DEUP1: variants seen among roughly 807,000 people sequenced by gnomAD.
The protein encoded by DEUP1 is coiled-coil domain containing 67.
In DEUP1, 82 loss-of-function variants were observed where a neutral mutation model predicts 87.4. The ratio of observed to expected loss-of-function variants is 0.94; its 90% CI spans 0.78 to 1.13. The LOEUF (loss-of-function observed/expected upper bound fraction) is 1.13. Ranked by LOEUF, DEUP1 falls within the 50% of genes most tolerant of loss-of-function variation. The probability of loss-of-function intolerance (pLI) is 0.00; values close to 1 mark genes in which losing one functional copy is unlikely to be tolerated. For synonymous variants in DEUP1, 214 were observed against 222.7 expected, an observed-to-expected ratio of 0.96 and a Z score of 0.35; for missense variants, 663 against 681.5, an observed-to-expected ratio of 0.97 and a Z score of 0.30.
intron 13 of DEUP1, among the ~76,000 whole-genome samples, chr11:93,420,499 G>A (rs1947841832): frequency 6.7e-6 from 1 of 149,610 alleles, no homozygotes; most frequent in Non-Finnish European, 1.5e-5. Context: ...TTGAAAACTG[G>A]CACAAGACAG....
chr11:93,377,489 T>G (rs951260023), intron 7 of DEUP1, among the ~76,000 whole-genome samples: 7 of 152,150 alleles, frequency 4.6e-5, no homozygotes, highest in Admixed American at 4.6e-4. Flanking sequence ...CCCCTTTACC[T>G]TAAGTTTGTG....
At chr11:93,355,322 C>T (rs1944844111) in intron 2 of DEUP1, 49 bp from the exon 3 acceptor site, 4 of 1,555,216 alleles carry the variant, frequency 2.6e-6, no homozygotes, top group Admixed American at 2.0e-5. Flanking sequence ...TTTTTTTGCC[C>T]TCACATTTCA....
chr11:93,338,164 A>G (rs1424712242), intron 2 of DEUP1, among the ~76,000 whole-genome samples: 1 of 152,186 alleles, frequency 6.6e-6, no homozygotes, highest in Non-Finnish European at 1.5e-5. Flanking sequence ...TAAAAGTTGT[A>G]CCCTCCTTGA....
chr11:93,359,744 T>A (rs1945072534), intron 4 of DEUP1, among the ~76,000 whole-genome samples: 1 of 152,130 alleles, frequency 6.6e-6, no homozygotes, highest in East Asian at 1.9e-4. Context: ...TCCAGCCTAA[T>A]AAAACAGAAA....
At chr11:93,417,634 C>G (rs1223656645) in intron 13 of DEUP1, among the ~76,000 whole-genome samples, 10 of 151,796 alleles carry the variant, frequency 6.6e-5, no homozygotes, top group Non-Finnish European at 1.5e-4. Flanking sequence ...CAGTGCCATC[C>G]CCATCAAGCT....
chr11:93,359,980 T>G (rs1383650785), intron 4 of DEUP1, among the ~76,000 whole-genome samples: 1 of 152,024 alleles, frequency 6.6e-6, no homozygotes, highest in Non-Finnish European at 1.5e-5. Flanking sequence ...CCTGGACTTC[T>G]ACACCTACCT....
intron 12 of DEUP1, 110 bp downstream of exon 12, chr11:93,408,537 A>T: frequency 1.4e-6 from 1 of 701,438 alleles, no homozygotes; most frequent in Non-Finnish European, 2.3e-6. Flanking sequence ...GTGGTTTAAA[A>T]TTTATAATGA....
intron 1 of DEUP1, among the ~76,000 whole-genome samples, chr11:93,331,714 A>G (rs1237787643): frequency 6.6e-6 from 1 of 152,214 alleles, no homozygotes; most frequent in Non-Finnish European, 1.5e-5. Flanking sequence ...TAGTAAATGG[A>G]TGCTCATTTT....
chr11:93,403,910 T>A (rs190422547), intron 11 of DEUP1, among the ~76,000 whole-genome samples: 8 of 152,194 alleles, frequency 5.3e-5, no homozygotes, highest in Middle Eastern at 6.8e-3. Context: ...AAACAAGATA[T>A]TTACATCATT....
chr11:93,390,390 A>G (rs906040663), intron 9 of DEUP1, among the ~76,000 whole-genome samples: 1 of 152,244 alleles, frequency 6.6e-6, no homozygotes, highest in East Asian at 1.9e-4. Flanking sequence ...TGTCTGCCAA[A>G]GAGTTGACTG....
chr11:93,414,413 A>G lies in DEUP1; in HGVS notation c.1524-587A>G, dbSNP rs1015782426. Among the ~76,000 whole-genome samples, 113 of 152,158 alleles carry G rather than the reference A, an allele frequency of 7.4e-4. 1 individual carries two copies. Among genetic ancestry groups the G allele is most frequent in the African/African-American group, 2.6e-3 (108 of 41,554 alleles). ...CTATAATCCCAGCTACTCAGGAGAC[A>G]GGAGAGTCTCTTGAACCTGGGAGGC... On this transcript the variant is annotated intron_variant, in intron 12 of 13. Transcript: ENST00000298050.
Position 93,336,038 on chromosome 11 carries a change from G to A in DEUP1, c.29+3750G>A, listed in dbSNP as rs527980242. On this transcript the variant is annotated intron_variant, in intron 2 of 13. Coordinates refer to ENST00000298050, the MANE Select transcript of DEUP1 (RefSeq NM_181645.4). ...TGAGGCAGGAGAATCATTTGAACCC[G>A]GGAGGCGGAAGTTGCAGTGAGCCGA... 6.6e-5 allele frequency among the ~76,000 whole-genome samples: 10 copies of A among 152,220 alleles called. No individual in the cohort carries two copies. The East Asian group carries it at 1.5e-3, about 24-fold the overall frequency.
At chr11:93,377,760 TTC>T (rs1946106200) in intron 7 of DEUP1, among the ~76,000 whole-genome samples, 1 of 152,222 alleles carries the variant, frequency 6.6e-6, no homozygotes, top group East Asian at 1.9e-4. Context: ...TGTTGAGGAT[TTC>T]TTTCAAGATT....
intron 4 of DEUP1, among the ~76,000 whole-genome samples, chr11:93,362,165 T>C (rs1450986572): frequency 6.6e-6 from 1 of 152,006 alleles, no homozygotes; most frequent in Non-Finnish European, 1.5e-5. Context: ...GGCAATGGTT[T>C]CTTAGATATG....
At chr11:93,414,942 T>C (rs1248250782) in intron 12 of DEUP1, 58 bp from the exon 13 acceptor site, 2 of 949,416 alleles carry the variant, frequency 2.1e-6, no homozygotes, top group Non-Finnish European at 3.0e-6. Context: ...AATCCTTAGC[T>C]ACATAAATAA....
chr11:93,411,925 T>G (rs568098716), intron 12 of DEUP1, among the ~76,000 whole-genome samples: 4 of 152,184 alleles, frequency 2.6e-5, no homozygotes, highest in African/African-American at 9.7e-5. Context: ...TCACAAGATC[T>G]CTTGTCAAGG....
At chr11:93,434,066 A>G (rs1426239518) in intron 13 of DEUP1, among the ~76,000 whole-genome samples, 3 of 152,104 alleles carry the variant, frequency 2.0e-5, no homozygotes, top group African/African-American at 7.2e-5. Flanking sequence ...TAGAGGAGAG[A>G]TGCATCAGCC....
At chr11:93,401,374 G>A (rs1049270003) in intron 11 of DEUP1, among the ~76,000 whole-genome samples, 3 of 151,898 alleles carry the variant, frequency 2.0e-5, no homozygotes, top group Non-Finnish European at 4.4e-5. Context: ...TACTCACAGC[G>A]ATTTACAGAT....
At chr11:93,390,424 T>C (rs16918865) in intron 9 of DEUP1, among the ~76,000 whole-genome samples, 2,281 of 152,266 alleles carry the variant, frequency 0.015, 24 homozygotes, top group East Asian at 0.063. Flanking sequence ...AGAGGTTAAG[T>C]AGAGAAAAGG....
Sources: gnomAD v4.1 joint callset for allele counts (sites outside exome capture counted in the v4.1 genomes callset) on GRCh38, gnomAD v4.1.1 for gene constraint, MANE v1.5 for transcripts, NCBI Gene and HGNC (gene_info 2026-07-23, HGNC 2026-07-21) for gene names.